The following POFUT3 variants were observed in gnomAD, a reference collection of about 807,000 sequenced individuals.
POFUT3 encodes protein O-fucosyltransferase 3.
the POFUT3 span, among the ~76,000 whole-genome samples, chr8:33,448,605 T>C: frequency 6.6e-6 from 1 of 152,036 alleles, no homozygotes; most frequent in Non-Finnish European, 1.5e-5. Flanking sequence ...GAAGGTAGAC[T>C]CTCGGGTTTA....
At chr8:33,386,188 C>CAAAAAAAAAAAA in the POFUT3 span, among the ~76,000 whole-genome samples, 12 of 32,046 alleles carry the variant, frequency 3.7e-4, no homozygotes, top group East Asian at 3.8e-3. Context: ...GGCTCCATCT[C>CAAAAAAAAAAAA]AAAAAAAAAA....
the POFUT3 span, among the ~76,000 whole-genome samples, chr8:33,471,034 T>C: frequency 6.6e-6 from 1 of 152,176 alleles, no homozygotes; most frequent in African/African-American, 2.4e-5. Context: ...GTATAATCTT[T>C]TGAAAACTCC....
At chr8:33,372,495 C>A in the POFUT3 span, 1 of 1,504,424 alleles carries the variant, frequency 6.6e-7, no homozygotes, top group Non-Finnish European at 8.9e-7. Context: ...AACAGAATAG[C>A]TATTATGTTC....
the POFUT3 span, among the ~76,000 whole-genome samples, chr8:33,436,109 G>A: frequency 3.0e-4 from 46 of 152,202 alleles, no homozygotes; most frequent in African/African-American, 1.1e-3. Context: ...ACAGGAAAAT[G>A]GGCAGGAGAG....
At chr8:33,407,388 C>T in the POFUT3 span, among the ~76,000 whole-genome samples, 3 of 152,128 alleles carry the variant, frequency 2.0e-5, no homozygotes, top group South Asian at 6.2e-4. Flanking sequence ...TCAAATCAAG[C>T]AACTCGAAAT....
chr8:33,328,430 G>A, the POFUT3 span, among the ~76,000 whole-genome samples: 753 of 152,066 alleles, frequency 5.0e-3, 7 homozygotes, highest in African/African-American at 0.017. Context: ...TCCCCAAGTC[G>A]GGGTGGAAAG....
chr8:33,342,440 A>G, the POFUT3 span, among the ~76,000 whole-genome samples: 1 of 151,712 alleles, frequency 6.6e-6, no homozygotes, highest in African/African-American at 2.4e-5. Context: ...GTATTAGAAT[A>G]TATAAAGAAC....
At chr8:33,333,632 T>C in the POFUT3 span, among the ~76,000 whole-genome samples, 1 of 151,778 alleles carries the variant, frequency 6.6e-6, no homozygotes, top group Non-Finnish European at 1.5e-5. Context: ...TAGTGGGAAA[T>C]AGTGGGGTAC....
the POFUT3 span, among the ~76,000 whole-genome samples, chr8:33,338,708 G>A: frequency 6.6e-6 from 1 of 152,162 alleles, no homozygotes. Context: ...CATCAGTAGT[G>A]AAGAGTTCCC....
chr8:33,382,594 C>T, the POFUT3 span, among the ~76,000 whole-genome samples: 4 of 152,074 alleles, frequency 2.6e-5, no homozygotes, highest in East Asian at 1.9e-4. Flanking sequence ...AATTTGGTGG[C>T]GCACAGAACT....
chr8:33,331,456 G>A, the POFUT3 span, among the ~76,000 whole-genome samples: 1 of 152,180 alleles, frequency 6.6e-6, no homozygotes, highest in African/African-American at 2.4e-5. Context: ...GACGGCTTAA[G>A]TTGTGAATTT....
At chr8:33,318,968 T>A in the POFUT3 span, among the ~76,000 whole-genome samples, 42 of 43,180 alleles carry the variant, frequency 9.7e-4, 6 homozygotes, top group Non-Finnish European at 9.7e-4. Context: ...AAATATATTT[T>A]ACATATATTT....
the POFUT3 span, among the ~76,000 whole-genome samples, chr8:33,461,042 C>G: frequency 1.3e-5 from 2 of 151,978 alleles, no homozygotes; most frequent in African/African-American, 2.4e-5. Context: ...GTAATCCCAA[C>G]TACTCGGGAG....
At chr8:33,380,003 AC>A in the POFUT3 span, among the ~76,000 whole-genome samples, 1 of 83,180 alleles carries the variant, frequency 1.2e-5, no homozygotes, top group African/African-American at 5.6e-5. Context: ...ATATATATAT[AC>A]TATATATATA....
the POFUT3 span, among the ~76,000 whole-genome samples, chr8:33,341,561 A>G: frequency 3.3e-5 from 5 of 152,122 alleles, no homozygotes; most frequent in South Asian, 1.0e-3. Context: ...CTGACAAAAA[A>G]ACACAACTAA....
At chr8:33,453,332 C>A in the POFUT3 span, 86 of 1,614,098 alleles carry the variant, frequency 5.3e-5, no homozygotes, top group Non-Finnish European at 7.1e-5. Flanking sequence ...CAGCGGGGAC[C>A]ACCAGAGCAT....
the POFUT3 span, among the ~76,000 whole-genome samples, chr8:33,396,304 C>T: frequency 6.6e-6 from 1 of 152,162 alleles, no homozygotes; most frequent in Non-Finnish European, 1.5e-5. Flanking sequence ...CTCCACCAGC[C>T]CTTCAGCCCC....
the POFUT3 span, among the ~76,000 whole-genome samples, chr8:33,410,627 G>A: frequency 5.9e-5 from 9 of 152,070 alleles, no homozygotes; most frequent in Non-Finnish European, 1.2e-4. Flanking sequence ...GGGTGTGTGC[G>A]TGTGTGTATG....
chr8:33,376,958 C>T, the POFUT3 span, among the ~76,000 whole-genome samples: 3 of 152,148 alleles, frequency 2.0e-5, no homozygotes, highest in South Asian at 2.1e-4. Context: ...CTATAAAGGC[C>T]GGGCACATTG....
Sources: allele counts gnomAD v4.1 joint callset (sites outside exome capture counted in the v4.1 genomes callset), GRCh38; gene constraint gnomAD v4.1.1; transcripts MANE v1.5; gene names NCBI Gene and HGNC (gene_info 2026-07-23, HGNC 2026-07-21).